The following LIPC variants were observed in gnomAD, a reference collection of about 807,000 sequenced individuals.
LIPC encodes the protein lipase C, hepatic type.
A neutral mutation model predicts 50.7 loss-of-function variants in LIPC; 44 were observed. The ratio of observed to expected loss-of-function variants is 0.87; its 90% CI spans 0.68 to 1.11. LIPC has a LOEUF of 1.11. Ranked by LOEUF, LIPC falls within the 50% of genes most tolerant of loss-of-function variation. The pLI is 0.00. For synonymous variants in LIPC, 271 were observed against 256.4 expected, an observed-to-expected ratio of 1.06 and a Z score of -0.54; for missense variants, 697 against 648.2, an observed-to-expected ratio of 1.08 and a Z score of -0.82.
chr15:58,513,495 C>T (rs1374014206), intron 1 of LIPC, among the ~76,000 whole-genome samples: 2 of 152,190 alleles, frequency 1.3e-5, no homozygotes, highest in Non-Finnish European at 2.9e-5. Flanking sequence ...TCATGCAGAG[C>T]CGGCCCTTTC....
intron 1 of LIPC, among the ~76,000 whole-genome samples, chr15:58,471,950 T>C (rs1441674436): frequency 6.6e-6 from 1 of 152,138 alleles, no homozygotes; most frequent in Non-Finnish European, 1.5e-5. Context: ...TAGCTCACCC[T>C]TCTCAGCCCC....
chr15:58,438,203 C>T (rs1893374718), intron 1 of LIPC, among the ~76,000 whole-genome samples: 1 of 152,156 alleles, frequency 6.6e-6, no homozygotes, highest in Non-Finnish European at 1.5e-5. Flanking sequence ...TGCGGGCATG[C>T]TGGGTCATCA....
At position 58,545,755 on chromosome 15, in the gene LIPC, G is replaced by T. The variant is rs34351746; in HGVS notation, c.588G>T (p.Ala196=). ...CTTTCCCATTAGGGCTGGATGCCGCGGGACCTTTGTTTGAGGGAAGTGCCC... is the reference window on the plus strand; with the variant it reads ...CTTTCCCATTAGGGCTGGATGCCGCTGGACCTTTGTTTGAGGGAAGTGCCC... The part of the protein sequence containing the change: ...KIGRITGLDA[A]GPLFEGSAPS... The change falls in exon 5 of 9, where the codon GCG becomes GCT. Residue 196 remains alanine, a synonymous_variant. Transcript: ENST00000299022. 1 of 1,614,136 alleles carries T rather than the reference G, an allele frequency of 6.2e-7. No individual in the cohort carries two copies.
At chr15:58,519,147 G>A (rs1369145420) in intron 1 of LIPC, among the ~76,000 whole-genome samples, 1 of 151,996 alleles carries the variant, frequency 6.6e-6, no homozygotes, top group Admixed American at 6.5e-5. Flanking sequence ...AGTGGCTCAC[G>A]CCTGTAATCC....
intron 1 of LIPC, chr15:58,435,006 ACT>A (rs1342859191): frequency 6.6e-6 from 1 of 152,204 alleles, no homozygotes. Flanking sequence ...CTTAAAAATC[ACT>A]GAGGACCCCA....
chr15:58,496,599 TCTGA>T (rs1423319774), intron 1 of LIPC, among the ~76,000 whole-genome samples: 2 of 152,138 alleles, frequency 1.3e-5, no homozygotes, highest in African/African-American at 4.8e-5. Context: ...ACAGAAGATG[TCTGA>T]CTGTTTGAAA....
rs1334171843 is a variant in LIPC at position 58,565,599 on chromosome 15, C to T, written c.1388+1876C>T. ...GAACCTGAGGCTCACAGAAGTTACA[C>T]AGCTTGAGGACATTGCTCAAAATTG... On this transcript the variant is annotated intron_variant, in intron 8 of 8. Coordinates refer to ENST00000299022, the MANE Select transcript of LIPC (RefSeq NM_000236.3). The T allele has an allele frequency of 6.4e-6, 7 of 1,100,202 alleles. No individual in the cohort carries two copies. The African/African-American group carries it at 1.1e-4, about 18-fold the overall frequency. 68.2% of individuals were successfully genotyped at this position (1,100,202 alleles called of 1,614,324 possible). A position where few individuals can be genotyped will look rare whatever the true frequency, so the allele number is the denominator to read the frequency against.
Position 58,548,405 on chromosome 15 carries a change from C to T in LIPC, c.884C>T (p.Thr295Met), listed in dbSNP as rs747764344. ...LFIDSLLHAGTQSMAYPCGDM... is the reference protein window; with the variant it reads ...LFIDSLLHAGMQSMAYPCGDM... ...ATCGACTCCTTGCTGCACGCCGGCA[C>T]GCAGAGCATGGCCTACCCGTGTGGT... Residue 295 changes from threonine to methionine, a missense_variant, in exon 6 of 9, where the codon ACG (threonine) becomes ATG (methionine). By Grantham distance (81) the Thr-to-Met change is moderately conservative. Coordinates refer to ENST00000299022, the MANE Select transcript of LIPC (RefSeq NM_000236.3). The T allele has an allele frequency of 5.0e-6, 8 of 1,614,156 alleles. No homozygotes were observed. Among genetic ancestry groups the T allele is most frequent in the Admixed American group, 1.7e-5 (1 of 60,024 alleles).
At chr15:58,532,890 A>C (rs1257046310) in intron 1 of LIPC, among the ~76,000 whole-genome samples, 1 of 152,226 alleles carries the variant, frequency 6.6e-6, no homozygotes, top group African/African-American at 2.4e-5. Context: ...GAATAGAAAA[A>C]TCACTTGCTG....
intron 1 of LIPC, among the ~76,000 whole-genome samples, chr15:58,490,787 T>G (rs1024148285): frequency 6.6e-6 from 1 of 152,236 alleles, no homozygotes; most frequent in South Asian, 2.1e-4. Flanking sequence ...TGAGACGTGC[T>G]ACCTGGTCGC....
At chr15:58,559,211 G>T (rs1001857528) in intron 6 of LIPC, among the ~76,000 whole-genome samples, 1 of 152,166 alleles carries the variant, frequency 6.6e-6, no homozygotes, top group Non-Finnish European at 1.5e-5. Flanking sequence ...CTAATTTTTT[G>T]AAATTCTCCT....
intron 3 of LIPC, 22 bp from the exon 4 acceptor site, chr15:58,542,512 C>A: frequency 6.7e-7 from 1 of 1,499,412 alleles, no homozygotes; most frequent in South Asian, 1.1e-5. Context: ...TCTCCTGCCC[C>A]CATCCCGCTG....
intron 2 of LIPC, among the ~76,000 whole-genome samples, chr15:58,540,621 C>T (rs571657397): frequency 2.0e-5 from 3 of 152,114 alleles, no homozygotes; most frequent in South Asian, 2.1e-4. Flanking sequence ...CAGCTTCACC[C>T]GCTATTGTCA....
intron 1 of LIPC, among the ~76,000 whole-genome samples, chr15:58,532,937 G>C (rs1893001136): frequency 6.6e-6 from 1 of 152,176 alleles, no homozygotes; most frequent in South Asian, 2.1e-4. Flanking sequence ...GCTGGACCCA[G>C]CTTCTCCTTC....
chr15:58,565,938 T>A, intron 8 of LIPC: 1 of 979,998 alleles, frequency 1.0e-6, no homozygotes. Flanking sequence ...AAATCTGAGT[T>A]GTGGCTCTTG....
At chr15:58,526,138 G>T (rs1288530011) in intron 1 of LIPC, among the ~76,000 whole-genome samples, 3 of 152,164 alleles carry the variant, frequency 2.0e-5, no homozygotes, top group Non-Finnish European at 4.4e-5. Context: ...AAATTCCCAG[G>T]CCTCCCAGAC....
intron 6 of LIPC, among the ~76,000 whole-genome samples, chr15:58,554,311 C>A (rs16940493): frequency 5.9e-5 from 9 of 152,110 alleles, no homozygotes; most frequent in Non-Finnish European, 1.2e-4. Context: ...TATTTCATGC[C>A]TTTCATCTTT....
At chr15:58,527,296 GC>G (rs1443650915) in intron 1 of LIPC, among the ~76,000 whole-genome samples, 2 of 152,092 alleles carry the variant, frequency 1.3e-5, no homozygotes, top group African/African-American at 2.4e-5. Context: ...GATAGGAACC[GC>G]TGTGCTGCAG....
In LIPC at chr15:58,563,491, T is replaced by C. The variant is rs763385826; in HGVS notation, c.1170-14T>C. The stretch of plus-strand genomic sequence containing the variant: ...ACTAAACTGATTGTGTCTGATTTTC[T>C]TTGTGTATTCAAGGGGCAAAGGAAT... On this transcript the variant is annotated splice_polypyrimidine_tract_variant and intron_variant, in intron 7 of 8. Transcript: ENST00000299022. The C allele has an allele frequency of 1.2e-6, 2 of 1,603,180 alleles. No individual in the cohort carries two copies. The highest frequency in any genetic ancestry group is 1.7e-6 in the Non-Finnish European group (2 of 1,170,484).
Sources: allele counts gnomAD v4.1 joint callset (sites outside exome capture counted in the v4.1 genomes callset), GRCh38; gene constraint gnomAD v4.1.1; transcripts MANE v1.5; gene names NCBI Gene and HGNC (gene_info 2026-07-23, HGNC 2026-07-21).